HDAC4: variants seen among roughly 807,000 people sequenced by gnomAD.
HDAC4 encodes the protein histone deacetylase 4.
In HDAC4, 16 loss-of-function variants were observed where a neutral mutation model predicts 135.1. That is an observed-to-expected ratio of 0.12 (90% CI 0.08 to 0.18). The LOEUF (loss-of-function observed/expected upper bound fraction) is 0.18, where lower values mean the gene tolerates loss of function less well. Ranked by LOEUF, HDAC4 falls within the 10% of genes least tolerant of loss-of-function variation. HDAC4 has a pLI of 1.00. For missense variants in HDAC4, 1,143 were observed against 1,511.8 expected (o/e 0.76, Z 4.05); for synonymous variants, 685 against 653.4 (o/e 1.05, Z -0.74).
chr2:239,182,650 T>C (rs506324), intron 4 of HDAC4, among the ~76,000 whole-genome samples: 113,447 of 152,088 alleles, frequency 0.75, 42,412 homozygotes, highest in South Asian at 0.92. Context: ...TAACAGATTA[T>C]CTGTAGAGCA....
chr2:239,378,502 G>A (rs944476967), intron 1 of HDAC4, among the ~76,000 whole-genome samples: 19 of 152,196 alleles, frequency 1.2e-4, no homozygotes, highest in South Asian at 4.2e-4. Flanking sequence ...AAGGACCATC[G>A]TACTGTTGAG....
At chr2:239,181,663 G>A (rs544176528) in intron 4 of HDAC4, among the ~76,000 whole-genome samples, 2 of 152,244 alleles carry the variant, frequency 1.3e-5, no homozygotes, top group Non-Finnish European at 2.9e-5. Flanking sequence ...TGGCTGGAGG[G>A]CAGTGCCCAG....
Position 239,321,374 on chromosome 2 carries a change from A to C in HDAC4, c.22+31304T>G, listed in dbSNP as rs559725948. On this transcript the variant is annotated intron_variant, in intron 2 of 26. Transcript: ENST00000543185. Reference sequence around the variant, plus strand: ...CAGCTACTCAGGAGGCTGAGGCAGGACAATGGTGTGAACCCGGGAGACGGA... The same window carrying C: ...CAGCTACTCAGGAGGCTGAGGCAGGCCAATGGTGTGAACCCGGGAGACGGA... 2.9e-4 allele frequency among the ~76,000 whole-genome samples: 43 copies of C among 149,304 alleles called. No homozygotes were observed. In the East Asian group the frequency reaches 6.0e-3, roughly 21 times the overall value.
At chr2:239,140,282 C>G (rs1426422274) in intron 8 of HDAC4, among the ~76,000 whole-genome samples, 2 of 152,178 alleles carry the variant, frequency 1.3e-5, no homozygotes, top group African/African-American at 2.4e-5. Flanking sequence ...GAAAATATAG[C>G]CAGTGTCTCC....
At chr2:239,149,852 C>T (rs2042000847) in intron 7 of HDAC4, among the ~76,000 whole-genome samples, 1 of 152,130 alleles carries the variant, frequency 6.6e-6, no homozygotes, top group Non-Finnish European at 1.5e-5. Context: ...CCCGCCTGCT[C>T]GTGGAGGGGG....
chr2:239,082,312 G>A (rs2152688151), intron 20 of HDAC4, 91 bp from the exon 21 acceptor site: 1 of 1,512,800 alleles, frequency 6.6e-7, no homozygotes, highest in Non-Finnish European at 9.2e-7. Context: ...GTTGTGCTTA[G>A]TGACAACGGC....
At chr2:239,185,222 G>A (rs2153031050) in intron 4 of HDAC4, among the ~76,000 whole-genome samples, 1 of 151,944 alleles carries the variant, frequency 6.6e-6, no homozygotes, top group African/African-American at 2.4e-5. Flanking sequence ...TCCCCCATGG[G>A]GGTTGCCCTG....
chr2:239,210,509 G>T (rs1463344202), intron 3 of HDAC4, among the ~76,000 whole-genome samples: 1 of 152,162 alleles, frequency 6.6e-6, no homozygotes, highest in Non-Finnish European at 1.5e-5. Flanking sequence ...TTGGGGAGTG[G>T]TGAATGGCTT....
chr2:239,259,668 A>G (rs954802509), intron 2 of HDAC4, among the ~76,000 whole-genome samples: 1 of 152,260 alleles, frequency 6.6e-6, no homozygotes, highest in African/African-American at 2.4e-5. Flanking sequence ...GGAAGTAATA[A>G]GAACAGAACT....
chr2:239,074,656 T>A (rs928220758), intron 22 of HDAC4, among the ~76,000 whole-genome samples: 1 of 152,250 alleles, frequency 6.6e-6, no homozygotes, highest in African/African-American at 2.4e-5. Context: ...AAACACCTGC[T>A]AGACATAAGA....
At chr2:239,385,115 G>A (rs1032551265) in intron 1 of HDAC4, among the ~76,000 whole-genome samples, 1 of 152,154 alleles carries the variant, frequency 6.6e-6, no homozygotes, top group Non-Finnish European at 1.5e-5. Context: ...CTTGCTTCCC[G>A]GCCGCCTCCA....
intron 2 of HDAC4, among the ~76,000 whole-genome samples, chr2:239,338,852 G>A (rs1338482205): frequency 6.6e-6 from 1 of 152,154 alleles, no homozygotes; most frequent in Non-Finnish European, 1.5e-5. Context: ...GTGTCATCCA[G>A]GGCTCAGGGC....
At chr2:239,091,259 G>C (rs375713276) in intron 17 of HDAC4, 1 of 152,346 alleles carries the variant, frequency 6.6e-6, no homozygotes, top group Non-Finnish European at 1.5e-5. Flanking sequence ...CTGGCCAGGG[G>C]AGGGAGGTGT....
intron 24 of HDAC4, among the ~76,000 whole-genome samples, chr2:239,059,972 C>T (rs1490973701): frequency 1.3e-5 from 2 of 152,232 alleles, no homozygotes; most frequent in South Asian, 2.1e-4. Flanking sequence ...CCGTCACACT[C>T]GTAGTTCTCG....
At chr2:239,389,087 TAAATGCACCAATCAGCACTCTGTAA>T (rs1228947399) in intron 1 of HDAC4, among the ~76,000 whole-genome samples, 1 of 152,174 alleles carries the variant, frequency 6.6e-6, no homozygotes, top group Non-Finnish European at 1.5e-5. Context: ...TAGAGGATTG[TAAATGCACCAATCAGCACTCTGTAA>T]AAATGCACCA....
At chr2:239,382,206 G>C (rs1301248504) in intron 1 of HDAC4, among the ~76,000 whole-genome samples, 1 of 152,246 alleles carries the variant, frequency 6.6e-6, no homozygotes, top group Non-Finnish European at 1.5e-5. Flanking sequence ...TTGTTAAACT[G>C]TCGCTGCAGA....
chr2:239,323,349 A>G (rs1575693619), intron 2 of HDAC4, among the ~76,000 whole-genome samples: 1 of 152,300 alleles, frequency 6.6e-6, no homozygotes, highest in East Asian at 1.9e-4. Flanking sequence ...TGTGCCTCCC[A>G]GCTAAATGTG....
chr2:239,118,227 C>T (rs1248223366), intron 12 of HDAC4, among the ~76,000 whole-genome samples: 1 of 151,288 alleles, frequency 6.6e-6, no homozygotes, highest in African/African-American at 2.4e-5. Flanking sequence ...AACTTTCTTT[C>T]TAAGAGCAGT....
intron 13 of HDAC4, among the ~76,000 whole-genome samples, chr2:239,114,037 G>C (rs574225868): frequency 1.3e-5 from 2 of 152,202 alleles, no homozygotes; most frequent in Non-Finnish European, 1.5e-5. Flanking sequence ...CACTGATCCC[G>C]TGTGTGGCAG....
Sources: gnomAD v4.1 joint callset for allele counts (sites outside exome capture counted in the v4.1 genomes callset) on GRCh38, gnomAD v4.1.1 for gene constraint, MANE v1.5 for transcripts, NCBI Gene and HGNC (gene_info 2026-07-23, HGNC 2026-07-21) for gene names.